The following DNAH14 variants were observed in gnomAD, a reference collection of about 807,000 sequenced individuals.
DNAH14 encodes the protein axonemal beta dynein heavy chain 14.
In DNAH14, 478 loss-of-function variants were observed where a neutral mutation model predicts 520.9. The ratio of observed to expected loss-of-function variants is 0.92; its 90% CI spans 0.85 to 0.99. DNAH14 has a LOEUF of 0.99. Ranked by LOEUF, DNAH14 falls within the 50% of genes least tolerant of loss-of-function variation. DNAH14 has a pLI of 0.00. For synonymous variants in DNAH14, 1,581 were observed against 1,757.2 expected (o/e 0.90, Z 2.51); for missense variants, 4,831 against 5,234.5 (o/e 0.92, Z 2.38).
intron 54 of DNAH14, among the ~76,000 whole-genome samples, chr1:225,284,363 C>T (rs1322555137): frequency 6.6e-6 from 1 of 151,964 alleles, no homozygotes; most frequent in Non-Finnish European, 1.5e-5. Context: ...TAAGAGAATA[C>T]TATGAACAAT....
At chr1:224,944,050 T>C (rs561123724) in intron 1 of DNAH14, among the ~76,000 whole-genome samples, 71 of 152,264 alleles carry the variant, frequency 4.7e-4, no homozygotes, top group African/African-American at 1.6e-3. Context: ...TGGATATCCT[T>C]GTTAACTTTC....
chr1:224,974,007 G>C, intron 7 of DNAH14, 84 bp from the exon 8 acceptor site: 1 of 796,964 alleles, frequency 1.3e-6, no homozygotes, highest in Non-Finnish European at 1.8e-6. Flanking sequence ...AGAATATTCT[G>C]GTATTACTAA....
intron 22 of DNAH14, among the ~76,000 whole-genome samples, chr1:225,099,209 G>T (rs1038787631): frequency 2.0e-5 from 3 of 152,096 alleles, no homozygotes; most frequent in African/African-American, 7.2e-5. Flanking sequence ...GGTCCATCAC[G>T]CAAGATAGAG....
chr1:225,296,556 C>T (rs868599428), intron 55 of DNAH14, among the ~76,000 whole-genome samples: 3 of 148,298 alleles, frequency 2.0e-5, no homozygotes. Flanking sequence ...TCTTTTTTCC[C>T]CTTTGTGTAT....
chr1:224,963,824 C>T (rs764043469), intron 4 of DNAH14, among the ~76,000 whole-genome samples: 2 of 152,190 alleles, frequency 1.3e-5, no homozygotes, highest in South Asian at 4.1e-4. Flanking sequence ...TACAAGAGCT[C>T]AAGTCTCATT....
At position 225,272,062 on chromosome 1, in the gene DNAH14, G is replaced by C. The variant is rs780231914; in HGVS notation, c.7828G>C (p.Asp2610His). The stretch of plus-strand genomic sequence containing the variant: ...ATGTCACTACATGTTTAATCTTCGA[G>C]ATATGTTTAAGGTTTGTTTTAATGT... Reference protein sequence around the residue: ...TKCHYMFNLRDMFKLLLGLLQ... With the variant: ...TKCHYMFNLRHMFKLLLGLLQ... The change falls in exon 51 of 86, where the codon GAT becomes CAT. Residue 2610 changes from aspartate to histidine, a missense_variant. Asp to His is a moderately conservative substitution (Grantham distance 81). Coordinates refer to ENST00000682510, the MANE Select transcript of DNAH14 (RefSeq NM_001367479.1). The C allele has an allele frequency of 6.5e-7, 1 of 1,549,448 alleles. No individual in the cohort carries two copies.
At chr1:225,016,844 A>G (rs2065254554) in intron 10 of DNAH14, among the ~76,000 whole-genome samples, 1 of 151,132 alleles carries the variant, frequency 6.6e-6, no homozygotes, top group Non-Finnish European at 1.5e-5. Flanking sequence ...TCTCAGTTGC[A>G]TTTTTAAATT....
intron 76 of DNAH14, 29 bp downstream of exon 76, chr1:225,364,923 T>G: frequency 6.9e-7 from 1 of 1,446,606 alleles, no homozygotes; most frequent in South Asian, 1.3e-5. Flanking sequence ...AGATTTAATG[T>G]TGACTGAGGA....
In DNAH14 at chr1:225,265,368, G is replaced by A. The variant is rs932845004; in HGVS notation, c.7409G>A (p.Arg2470Gln). ...KDTLGAPKNN[R>Q]ILIFIDDMNM... ...ACTCTTGGAGCACCAAAAAACAACC[G>A]GGTAAAACACCTCTCATACCTGTTC... is the stretch of plus-strand genomic sequence containing the variant. The change falls in exon 48 of 86, where the codon CGG becomes CAG. Residue 2470 changes from arginine to glutamine, a missense_variant and splice_region_variant. By Grantham distance (43) the Arg-to-Gln change is conservative (BLOSUM62 1). Transcript: ENST00000682510. 24 of 1,531,590 alleles carry A rather than the reference G, an allele frequency of 1.6e-5. No homozygotes were observed. The Middle Eastern group carries it at 5.1e-4, about 32-fold the overall frequency. 94.9% of individuals were successfully genotyped at this position (1,531,590 alleles called of 1,614,324 possible). A position where few individuals can be genotyped will look rare whatever the true frequency, so the allele number is the denominator to read the frequency against.
At chr1:224,971,174 C>T (rs2061482803) in intron 7 of DNAH14, among the ~76,000 whole-genome samples, 1 of 152,158 alleles carries the variant, frequency 6.6e-6, no homozygotes, top group Admixed American at 6.6e-5. Flanking sequence ...TCTGATTCTT[C>T]ACAAAGTAGT....
chr1:225,358,110 A>G (rs2150526263), intron 73 of DNAH14, among the ~76,000 whole-genome samples: 1 of 152,270 alleles, frequency 6.6e-6, no homozygotes, highest in African/African-American at 2.4e-5. Flanking sequence ...GTCATCCTGT[A>G]TTTTCATCCC....
chr1:225,040,974 A>G (rs2067425682), intron 12 of DNAH14, among the ~76,000 whole-genome samples: 1 of 152,160 alleles, frequency 6.6e-6, no homozygotes, highest in Admixed American at 6.5e-5. Flanking sequence ...TTTTTCATGT[A>G]ACTTGCATTA....
intron 40 of DNAH14, 115 bp downstream of exon 40, chr1:225,206,294 A>G: frequency 1.1e-6 from 1 of 931,266 alleles, no homozygotes; most frequent in Non-Finnish European, 1.6e-6. Flanking sequence ...ATCCAGCAGC[A>G]TGAACTCAAT....
chr1:224,932,585 C>A (rs528868508), intron 1 of DNAH14, among the ~76,000 whole-genome samples: 1 of 151,980 alleles, frequency 6.6e-6, no homozygotes, highest in Non-Finnish European at 1.5e-5. Flanking sequence ...AGTCTTTAAT[C>A]CATTTTGAGA....
intron 55 of DNAH14, among the ~76,000 whole-genome samples, chr1:225,295,779 CAATTTA>C (rs1227537298): frequency 6.6e-6 from 1 of 152,078 alleles, no homozygotes; most frequent in African/African-American, 2.4e-5. Context: ...GTCTATGGTG[CAATTTA>C]AATCTGATGT....
At chr1:225,252,278 G>A (rs757277247) in intron 43 of DNAH14, 23 bp from the exon 44 acceptor site, 2 of 1,324,814 alleles carry the variant, frequency 1.5e-6, no homozygotes, top group Admixed American at 2.0e-5. Flanking sequence ...TTTCTTAGTT[G>A]AATTTATTAT....
chr1:225,093,727 G>T, intron 21 of DNAH14, among the ~76,000 whole-genome samples: 1 of 152,074 alleles, frequency 6.6e-6, no homozygotes, highest in East Asian at 1.9e-4. Context: ...TCTATACCTA[G>T]AAAATGCCAC....
In DNAH14 at chr1:225,374,704, T is replaced by C; in HGVS notation, c.12335T>C (p.Leu4112Ser). ...SSDLGVAIKV[L>S]ENSLRGQPSI... ...TTTCCAAAGGTTGCCATTAAGGTGT[T>C]GGAAAATTCCCTGAGAGGACAGCCC... Residue 4112 changes from leucine (L) to serine (S), a missense_variant, in exon 78 of 86, where the codon TTG becomes TCG. Transcript: ENST00000682510. The C allele has an allele frequency of 1.3e-6, 2 of 1,548,954 alleles. No individual in the cohort carries two copies. The highest frequency in any genetic ancestry group is 1.7e-6 in the Non-Finnish European group (2 of 1,145,188).
chr1:225,264,155 G>A (rs1275728760), intron 46 of DNAH14, 42 bp from the exon 47 acceptor site: 3 of 1,487,048 alleles, frequency 2.0e-6, no homozygotes, highest in Non-Finnish European at 2.7e-6. Context: ...ACCTATTATG[G>A]TAAACAAACT....
Sources: allele counts gnomAD v4.1 joint callset (sites outside exome capture counted in the v4.1 genomes callset), GRCh38; gene constraint gnomAD v4.1.1; transcripts MANE v1.5; gene names NCBI Gene and HGNC (gene_info 2026-07-23, HGNC 2026-07-21).